SERPINB7: variants seen among roughly 807,000 people sequenced by gnomAD.
The protein encoded by SERPINB7 is serpin B7.
A neutral mutation model predicts 37.4 loss-of-function variants in SERPINB7; 31 were observed. The observed-to-expected ratio is 0.83, with a 90% CI of 0.62 to 1.12. The LOEUF (loss-of-function observed/expected upper bound fraction) is 1.12. Among genes scored for constraint, SERPINB7 ranks in the 50% most tolerant of loss-of-function variants. The probability of loss-of-function intolerance (pLI) is 0.00; values close to 1 mark genes in which losing one functional copy is unlikely to be tolerated. For synonymous variants in SERPINB7, 163 were observed against 166.1 expected, an observed-to-expected ratio of 0.98 and a Z score of 0.14; for missense variants, 521 against 455.3, an observed-to-expected ratio of 1.14 and a Z score of -1.31.
chr18:63,792,428 C>G lies in SERPINB7; in HGVS notation c.204C>G (p.Asn68Lys). 1 of 1,600,946 alleles carries G rather than the reference C, an allele frequency of 6.2e-7. No homozygotes were observed. The highest frequency in any genetic ancestry group is 8.6e-7 in the Non-Finnish European group (1 of 1,168,164). ...LHVNTASGYG[N>K]SSNSQSGLQS... ...TTAACACTGCCTCAGGATATGGAAA[C>G]TCTTCTAATAGTCAGGTAAAGACAA... is the stretch of plus-strand genomic sequence containing the variant. The change falls in exon 3 of 8, where the codon AAC (asparagine) becomes AAG (lysine). Residue 68 changes from asparagine to lysine, a missense_variant. Transcript: ENST00000398019.
In SERPINB7 at chr18:63,800,923, A is replaced by T. The variant is rs1320233427; in HGVS notation, c.655A>T (p.Ile219Phe). The T allele has an allele frequency of 1.2e-6, 2 of 1,614,064 alleles. No individual in the cohort carries two copies. Among genetic ancestry groups the T allele is most frequent in the South Asian group, 2.2e-5 (2 of 91,084 alleles). ...HQERKFNLSV[I>F]EDPSMKILEL... ...GGAACGGAAGTTCAATTTGTCTGTTATTGAGGACCCATCAATGAAGATTCT... is the reference window on the plus strand; with the variant it reads ...GGAACGGAAGTTCAATTTGTCTGTTTTTGAGGACCCATCAATGAAGATTCT... Residue 219 changes from isoleucine to phenylalanine, a missense_variant, in exon 7 of 8, where the codon ATT becomes TTT. Ile to Phe is a conservative substitution (Grantham distance 21, BLOSUM62 0). Coordinates refer to ENST00000398019, the MANE Select transcript of SERPINB7 (RefSeq NM_003784.4).
In SERPINB7 at chr18:63,775,553, C is replaced by T. The variant is rs1598997038; in HGVS notation, c.-182C>T. The T allele has an allele frequency of 6.6e-6, 1 of 152,246 alleles. No individual in the cohort carries two copies. Among genetic ancestry groups the T allele is most frequent in the Non-Finnish European group, 1.5e-5 (1 of 68,020 alleles). 9.4% of individuals were successfully genotyped at this position (152,246 alleles called of 1,614,324 possible). ...TCATTAGGTAGTGGTAAAACAGGCTCCCTTCGAAGCTCTCCTTCATCACCT... is the reference window on the plus strand; with the variant it reads ...TCATTAGGTAGTGGTAAAACAGGCTTCCTTCGAAGCTCTCCTTCATCACCT... On this transcript the variant is annotated 5_prime_UTR_variant, in exon 1 of 8. Coordinates refer to ENST00000398019, the MANE Select transcript of SERPINB7 (RefSeq NM_003784.4).
intron 2 of SERPINB7, among the ~76,000 whole-genome samples, chr18:63,785,745 G>T (rs1306009031): frequency 2.6e-5 from 4 of 151,034 alleles, no homozygotes; most frequent in East Asian, 1.9e-4. Flanking sequence ...TTTTGTGTGT[G>T]TTTTTATTTT....
At chr18:63,773,141 C>T (rs1044492750), upstream of SERPINB7, among the ~76,000 whole-genome samples, 2 of 152,050 alleles carry the variant, frequency 1.3e-5, no homozygotes, top group East Asian at 1.9e-4. Flanking sequence ...CATGCAATCA[C>T]TTAGAATGAA....
intron 2 of SERPINB7, among the ~76,000 whole-genome samples, chr18:63,789,250 G>A (rs1201640650): frequency 1.3e-5 from 2 of 152,084 alleles, no homozygotes; most frequent in Non-Finnish European, 2.9e-5. Flanking sequence ...AGGATACAAA[G>A]GGACCACCTA....
In SERPINB7 at chr18:63,798,639, A is replaced by T. The variant is rs370786743; in HGVS notation, c.490A>T (p.Ser164Cys). 2.5e-6 allele frequency: 4 copies of T among 1,600,554 alleles called. No individual in the cohort carries two copies. Among genetic ancestry groups the T allele is most frequent in the Non-Finnish European group, 3.4e-6 (4 of 1,174,146 alleles). Reference protein sequence around the residue: ...IKNVIGEGGISSSAVMVLVNA... With the variant: ...IKNVIGEGGICSSAVMVLVNA... Reference sequence around the variant, plus strand: ...GAACGTGATTGGTGAAGGTGGCATAAGCTCATCTGCTGTAATGGTGCTGGT... The same window carrying T: ...GAACGTGATTGGTGAAGGTGGCATATGCTCATCTGCTGTAATGGTGCTGGT... Residue 164 changes from serine (S) to cysteine (C), a missense_variant, in exon 6 of 8, where the codon AGC becomes TGC. Ser to Cys is a moderately radical substitution (Grantham distance 112). Transcript: ENST00000398019.
intron 1 of SERPINB7, among the ~76,000 whole-genome samples, chr18:63,781,448 A>G (rs1207093884): frequency 2.0e-5 from 3 of 152,252 alleles, no homozygotes; most frequent in Non-Finnish European, 2.9e-5. Context: ...GGCACCTGCC[A>G]CACCATCAGA....
At chr18:63,783,987 G>A (rs1185485618) in intron 2 of SERPINB7, among the ~76,000 whole-genome samples, 1 of 151,236 alleles carries the variant, frequency 6.6e-6, no homozygotes, top group Non-Finnish European at 1.5e-5. Flanking sequence ...TTTTTCAAGC[G>A]CTAGAGCGGT....
rs539493637 is a variant in SERPINB7, at chr18:63,763,227, T to C, written c.-19+10107T>C. On this transcript the variant is annotated intron_variant, in intron 1 of 7. Transcript: ENST00000336429. ...TTACAGGAAATTGTTGAAAATTCTA[T>C]ATCTCTACCATGTTTTGTGCTTCAA... Among the ~76,000 whole-genome samples, 281 of 152,332 alleles carry C rather than the reference T, an allele frequency of 1.8e-3. 1 individual carries two copies. Among genetic ancestry groups the C allele is most frequent in the Middle Eastern group, 3.4e-3 (1 of 294 alleles).
chr18:63,762,630 C>A (rs753112885), intron 1 of SERPINB7, among the ~76,000 whole-genome samples: 3 of 152,158 alleles, frequency 2.0e-5, no homozygotes, highest in Non-Finnish European at 4.4e-5. Context: ...CATGATAGCT[C>A]TGGGGGAGTG....
In SERPINB7 at chr18:63,800,967, T is replaced by G. The variant is rs766337181; in HGVS notation, c.699T>G (p.Gly233=). 6.8e-6 allele frequency: 11 copies of G among 1,613,964 alleles called. No homozygotes were observed. In the East Asian group the frequency reaches 2.2e-4, roughly 33 times the overall value. Residue 233 remains glycine, a synonymous_variant, in exon 7 of 8, where the codon GGT becomes GGG. Coordinates refer to ENST00000398019, the MANE Select transcript of SERPINB7 (RefSeq NM_003784.4). ...AGATTCTTGAGCTCAGATACAATGG[T>G]GGCATAAACATGTACGTTCTGCTGC... ...SMKILELRYN[G]GINMYVLLPE...
chr18:63,754,032 A>G (rs1401391110), intron 1 of SERPINB7, among the ~76,000 whole-genome samples: 1 of 152,252 alleles, frequency 6.6e-6, no homozygotes, highest in Non-Finnish European at 1.5e-5. Context: ...TGGAACAGAA[A>G]TGGTAACAGC....
Position 63,761,995 on chromosome 18 carries a change from C to T in SERPINB7, c.-19+8875C>T, listed in dbSNP as rs115730706. Among the ~76,000 whole-genome samples the T allele has an allele frequency of 6.7e-3, 1,021 of 152,332 alleles. 7 individuals carry two copies. Among genetic ancestry groups the T allele is most frequent in the African/African-American group, 0.023 (962 of 41,576 alleles). On this transcript the variant is annotated intron_variant, in intron 1 of 7. Coordinates refer to the SERPINB7 transcript ENST00000336429. ...TCTACATTTCTGTGGAAAACAGTTTCTAATTCTTCTAGGACTCAGTGACGT... is the reference window on the plus strand; with the variant it reads ...TCTACATTTCTGTGGAAAACAGTTTTTAATTCTTCTAGGACTCAGTGACGT...
chr18:63,783,007 G>A (rs1013720155), intron 2 of SERPINB7, among the ~76,000 whole-genome samples: 1 of 151,326 alleles, frequency 6.6e-6, no homozygotes, highest in East Asian at 1.9e-4. Context: ...GCATGGTGGC[G>A]GGCGCCTGTA....
In SERPINB7 at chr18:63,801,081, CT is replaced by C. The variant is rs1250193928; in HGVS notation, c.744+70del. ...TAGGATACTGTTGATTGAGTTTTCA[CT>C]GATAAACTGTAAGATTTCAGGGTAT... On this transcript the variant is annotated intron_variant, in intron 7 of 7. Transcript: ENST00000398019. 3 of 1,443,002 alleles carry C rather than the reference CT, an allele frequency of 2.1e-6. No homozygotes were observed. The Admixed American group carries it at 5.7e-5, about 28-fold the overall frequency. The allele number at this position is 1,443,002 out of a possible 1,614,324, so 89.4% of individuals were successfully genotyped here.
intron 5 of SERPINB7, among the ~76,000 whole-genome samples, chr18:63,798,348 C>T (rs2049509827): frequency 6.6e-6 from 1 of 152,006 alleles, no homozygotes; most frequent in Non-Finnish European, 1.5e-5. Flanking sequence ...TCTCTTTGTG[C>T]CTTAGCTTCC....
In SERPINB7 at chr18:63,804,502, C is replaced by T. The variant is rs747670658; in HGVS notation, c.1010C>T (p.Thr337Ile). Residue 337 changes from threonine to isoleucine, a missense_variant, in exon 8 of 8, where the codon ACT becomes ATT. Coordinates refer to ENST00000398019, the MANE Select transcript of SERPINB7 (RefSeq NM_003784.4). ...IEVTEEGTEA[T>I]AATGSNIVEK... Reference sequence around the variant, plus strand: ...GTCACTGAGGAGGGCACCGAGGCTACTGCTGCCACAGGAAGTAATATTGTA... The same window carrying T: ...GTCACTGAGGAGGGCACCGAGGCTATTGCTGCCACAGGAAGTAATATTGTA... 6.2e-7 allele frequency: 1 copy of T among 1,613,748 alleles called. No homozygotes were observed. The highest frequency in any genetic ancestry group is 8.5e-7 in the Non-Finnish European group (1 of 1,179,840).
intron 5 of SERPINB7, among the ~76,000 whole-genome samples, chr18:63,797,381 C>T (rs952269052): frequency 6.6e-6 from 1 of 152,036 alleles, no homozygotes; most frequent in African/African-American, 2.4e-5. Flanking sequence ...TGATGTTTAG[C>T]CATCACCTGT....
intron 2 of SERPINB7, among the ~76,000 whole-genome samples, chr18:63,783,292 AAG>A (rs1195186312): frequency 1.3e-5 from 2 of 149,042 alleles, no homozygotes; most frequent in South Asian, 4.3e-4. Flanking sequence ...GAAAGAAAGA[AAG>A]AAATGCAAAT....
Sources: allele counts gnomAD v4.1 joint callset (sites outside exome capture counted in the v4.1 genomes callset), GRCh38; gene constraint gnomAD v4.1.1; transcripts MANE v1.5; gene names NCBI Gene and HGNC (gene_info 2026-07-23, HGNC 2026-07-21).